Variants in URAD observed in about 807,000 individuals in gnomAD.
URAD encodes the protein putative 2-oxo-4-hydroxy-4-carboxy-5-ureidoimidazoline decarboxylase.
In URAD, 4 loss-of-function variants were observed where a neutral mutation model predicts 4.6. The ratio of observed to expected loss-of-function variants is 0.87; its 90% CI spans 0.43 to 1.98. The LOEUF is 1.98. URAD is among the 30% of genes most tolerant of loss of function. URAD has a pLI of 0.03. For missense variants in URAD, 300 were observed against 255.3 expected (o/e 1.18, Z -1.19); for synonymous variants, 144 against 118.2 (o/e 1.22, Z -1.41).
At chr13:27,986,662 G>A (rs952397662) in intron 1 of URAD, among the ~76,000 whole-genome samples, 4 of 152,158 alleles carry the variant, frequency 2.6e-5, no homozygotes, top group Admixed American at 6.6e-5. Flanking sequence ...TCCCTCCTCA[G>A]CCTCACCACT....
chr13:27,986,489 T>A (rs1041123968), intron 1 of URAD, among the ~76,000 whole-genome samples: 16 of 151,778 alleles, frequency 1.1e-4, no homozygotes, highest in African/African-American at 3.9e-4. Flanking sequence ...TTGTGGGGAG[T>A]GTTGGTGAGC....
At chr13:27,981,008 TTCTCTCTCTCTCTCTCTCTCCTC>T (rs1197725514) in intron 1 of URAD, among the ~76,000 whole-genome samples, 5 of 111,710 alleles carry the variant, frequency 4.5e-5, no homozygotes, top group Admixed American at 1.1e-4. Context: ...TTTCAGTCGC[TTCTCTCTCTCTCTCTCTCTCCTC>T]TCTCTCTCTC....
At chr13:27,983,327 T>C (rs1368206111) in intron 1 of URAD, among the ~76,000 whole-genome samples, 1 of 152,118 alleles carries the variant, frequency 6.6e-6, no homozygotes, top group Non-Finnish European at 1.5e-5. Context: ...TCTTCCGGGT[T>C]CAAGTGATTC....
Position 27,977,989 on chromosome 13 carries a change from G to A in URAD, c.*117C>T, listed in dbSNP as rs1869756986. ...TGCCTCAATTCTCCACTTCCTTTGTGCACGTGTGTGGACGCTGTTCCAGGC... is the reference window on the plus strand; with the variant it reads ...TGCCTCAATTCTCCACTTCCTTTGTACACGTGTGTGGACGCTGTTCCAGGC... On this transcript the variant is annotated 3_prime_UTR_variant, in exon 2 of 2. Coordinates refer to ENST00000332715, the MANE Select transcript of URAD (RefSeq NM_001105577.2). 2.5e-6 allele frequency: 2 copies of A among 811,092 alleles called. No homozygotes were observed. The highest frequency in any genetic ancestry group is 3.7e-4 in the Middle Eastern group (1 of 2,678). 50.2% of individuals were successfully genotyped at this position (811,092 alleles called of 1,614,324 possible).
In URAD at chr13:27,981,290, T is replaced by G. The variant is rs372327247; in HGVS notation, c.176-2838A>C. Among the ~76,000 whole-genome samples, 10 of 152,154 alleles carry G rather than the reference T, an allele frequency of 6.6e-5. No individual in the cohort carries two copies. In the East Asian group the frequency reaches 1.3e-3, roughly 21 times the overall value. ...CCTAAGCTGTGCCCATAAGCCCCAG[T>G]GGGAGGCTGGATACTGGGCAAGTAG... On this transcript the variant is annotated intron_variant, in intron 1 of 1. Coordinates refer to ENST00000332715, the MANE Select transcript of URAD (RefSeq NM_001105577.2).
chr13:27,987,435 A>ATTCTCCTCC (rs2137561632), intron 1 of URAD, among the ~76,000 whole-genome samples: 1 of 152,148 alleles, frequency 6.6e-6, no homozygotes, highest in Admixed American at 6.5e-5. Flanking sequence ...ATGCCTTCAG[A>ATTCTCCTCC]TTCTCCTCCT....
chr13:27,981,205 T>G (rs1039221232), intron 1 of URAD, among the ~76,000 whole-genome samples: 4 of 152,072 alleles, frequency 2.6e-5, no homozygotes, highest in Non-Finnish European at 5.9e-5. Flanking sequence ...GGGAATGGTG[T>G]CTATGTGTCC....
intron 1 of URAD, among the ~76,000 whole-genome samples, chr13:27,980,404 A>T (rs1869840399): frequency 6.6e-6 from 1 of 152,076 alleles, no homozygotes. Context: ...TGGTCGTGCC[A>T]CGCGGCCACT....
chr13:27,980,382 T>C (rs1341117387), intron 1 of URAD, among the ~76,000 whole-genome samples: 1 of 152,212 alleles, frequency 6.6e-6, no homozygotes, highest in African/African-American at 2.4e-5. Flanking sequence ...GCCCCAGCCC[T>C]GTGCCCGGGG....
Position 27,988,682 on chromosome 13 carries a change from C to T in URAD, c.-45G>A, listed in dbSNP as rs775279767. The T allele has an allele frequency of 2.6e-6, 4 of 1,524,106 alleles. No homozygotes were observed. The highest frequency in any genetic ancestry group is 2.8e-5 in the African/African-American group (2 of 72,052). The allele number at this position is 1,524,106 out of a possible 1,614,324, so 94.4% of individuals were successfully genotyped here. On this transcript the variant is annotated 5_prime_UTR_variant, in exon 1 of 2. Coordinates refer to ENST00000332715, the MANE Select transcript of URAD (RefSeq NM_001105577.2). ...ACAGCGGGACGTCCAGCTCCCCTCT[C>T]GGTGAGTGAGTGACGCTGTCTCGGC...
At chr13:27,987,122 C>T (rs533937613) in intron 1 of URAD, among the ~76,000 whole-genome samples, 2 of 152,358 alleles carry the variant, frequency 1.3e-5, no homozygotes, top group East Asian at 3.9e-4. Context: ...AGCCATCTGG[C>T]TGTCAAAGGC....
At chr13:27,982,299 C>T (rs571505772) in intron 1 of URAD, among the ~76,000 whole-genome samples, 12 of 152,106 alleles carry the variant, frequency 7.9e-5, no homozygotes, top group Admixed American at 2.0e-4. Context: ...CATAGTGGCA[C>T]GCGCCTATAA....
chr13:27,988,435 C>T, intron 1 of URAD, 28 bp downstream of exon 1: 1 of 1,554,434 alleles, frequency 6.4e-7, no homozygotes. Context: ...AATCCCTTTG[C>T]AGAGAATGTC....
intron 1 of URAD, among the ~76,000 whole-genome samples, chr13:27,987,667 C>T (rs949737224): frequency 3.3e-5 from 5 of 152,182 alleles, no homozygotes; most frequent in African/African-American, 1.2e-4. Flanking sequence ...CCTTTAGCCT[C>T]CGAATCACTC....
rs1869761384 is a variant in URAD, at chr13:27,978,084, G to A, written c.*22C>T. ...CCCCGCGCGTCCGGTTGTGCGTCCC[G>A]GGTCCCTGGCCCGCGCGGCAGCTAC... is the stretch of plus-strand genomic sequence containing the variant. On this transcript the variant is annotated 3_prime_UTR_variant, in exon 2 of 2. Transcript: ENST00000332715. The A allele has an allele frequency of 4.8e-6, 7 of 1,448,432 alleles. No individual in the cohort carries two copies. Among genetic ancestry groups the A allele is most frequent in the Non-Finnish European group, 6.3e-6 (7 of 1,115,508 alleles). The allele number at this position is 1,448,432 out of a possible 1,614,324, so 89.7% of individuals were successfully genotyped here. A position where few individuals can be genotyped will look rare whatever the true frequency, so the allele number is the denominator to read the frequency against.
rs781678889 is a variant in URAD at position 27,978,415 on chromosome 13, C to T, written c.213G>A (p.Ala71=). Residue 71 remains alanine, a synonymous_variant, in exon 2 of 2, where the codon GCG becomes GCA. Coordinates refer to ENST00000332715, the MANE Select transcript of URAD (RefSeq NM_001105577.2). ...EGILRCHPDL[A]GSELQRGTLT... is the part of the protein sequence containing the mutation. ...GCGTGCCCCGCTGCAGCTCGCTGCC[C>T]GCCAGGTCCGGGTGGCAGCGCAGGA... is the stretch of plus-strand genomic sequence containing the variant. 6,071 of 1,387,468 alleles carry T rather than the reference C, an allele frequency of 4.4e-3. 25 individuals are homozygous for T. The highest frequency in any genetic ancestry group is 5.3e-3 in the Non-Finnish European group (5,742 of 1,076,336). The allele number at this position is 1,387,468 out of a possible 1,614,324, so 85.9% of individuals were successfully genotyped here. A position where few individuals can be genotyped will look rare whatever the true frequency, so the allele number is the denominator to read the frequency against.
At position 27,988,449 on chromosome 13, in the gene URAD, T is replaced by C; in HGVS notation, c.175+14A>G. The C allele has an allele frequency of 6.4e-7, 1 of 1,571,952 alleles. No homozygotes were observed. The highest frequency in any genetic ancestry group is 8.6e-7 in the Non-Finnish European group (1 of 1,161,612). On this transcript the variant is annotated intron_variant, in intron 1 of 1. Coordinates refer to ENST00000332715, the MANE Select transcript of URAD (RefSeq NM_001105577.2). ...AAATCCCTTTGCAGAGAATGTCTGA[T>C]ACGGAAGCCTTACCTGACTGTGCAA... is the stretch of plus-strand genomic sequence containing the variant.
At chr13:27,980,707 C>T (rs1443401088) in intron 1 of URAD, among the ~76,000 whole-genome samples, 3 of 152,160 alleles carry the variant, frequency 2.0e-5, no homozygotes, top group Admixed American at 2.0e-4. Context: ...CGTCTTGCCG[C>T]CCCCACCAGG....
chr13:27,984,399 A>C (rs1380140770), intron 1 of URAD, among the ~76,000 whole-genome samples: 1 of 152,228 alleles, frequency 6.6e-6, no homozygotes, highest in Non-Finnish European at 1.5e-5. Context: ...TGGCTGGAGA[A>C]GGTACTTTGC....
Sources: gnomAD v4.1 joint callset for allele counts (sites outside exome capture counted in the v4.1 genomes callset) on GRCh38, gnomAD v4.1.1 for gene constraint, MANE v1.5 for transcripts, NCBI Gene and HGNC (gene_info 2026-07-23, HGNC 2026-07-21) for gene names.